The following TRIM66 variants were observed in gnomAD, a reference collection of about 807,000 sequenced individuals.
TRIM66 encodes the protein tripartite motif containing 66.
TRIM66 carries 99 observed loss-of-function variants against 148.2 expected under a neutral mutation model. That is an observed-to-expected ratio of 0.67 (90% confidence interval 0.57 to 0.79). The LOEUF is 0.79. Ranked by LOEUF, TRIM66 falls within the 30% of genes least tolerant of loss-of-function variation. The pLI is 0.00. For synonymous variants in TRIM66, 616 were observed against 635.9 expected (o/e 0.97, Z 0.47); for missense variants, 1,666 against 1,697.9 (o/e 0.98, Z 0.33).
rs1255930246 is a variant in TRIM66, at chr11:8,640,770, C to T, written c.1605G>A (p.Gln535=). 4.8e-5 allele frequency: 75 copies of T among 1,551,102 alleles called. No individual in the cohort carries two copies. Among genetic ancestry groups the T allele is most frequent in the Non-Finnish European group, 6.5e-5 (74 of 1,146,996 alleles). Residue 535 remains glutamine (Q), a synonymous_variant, in exon 14 of 25, where the codon CAG becomes CAA. Coordinates refer to ENST00000646038, the MANE Select transcript of TRIM66 (RefSeq NM_001388022.1). Reference sequence around the variant, plus strand: ...ATGTGCTCTCCTGCTCCACGGGGGGCTGGGTTTCCAGCCAGGGCTGCAGCA... The same window carrying T: ...ATGTGCTCTCCTGCTCCACGGGGGGTTGGGTTTCCAGCCAGGGCTGCAGCA... The part of the protein sequence containing the change: ...PKLLQPWLET[Q]PPVEQESTSQ...
intron 24 of TRIM66, 29 bp downstream of exon 24, chr11:8,618,721 C>A: frequency 6.5e-7 from 1 of 1,543,954 alleles, no homozygotes; most frequent in Non-Finnish European, 8.7e-7. Flanking sequence ...TCACCGCCCA[C>A]CTGCTGCTGG....
At chr11:8,626,924 A>C (rs1565487829) in intron 15 of TRIM66, among the ~76,000 whole-genome samples, 1 of 152,162 alleles carries the variant, frequency 6.6e-6, no homozygotes, top group African/African-American at 2.4e-5. Context: ...CACCCCCTTC[A>C]GATGGACTGC....
chr11:8,675,416 C>T (rs1244175864), intron 3 of TRIM66, among the ~76,000 whole-genome samples: 1 of 152,178 alleles, frequency 6.6e-6, no homozygotes, highest in Non-Finnish European at 1.5e-5. Flanking sequence ...CAGTTTTGCC[C>T]TTGTTAACCA....
intron 7 of TRIM66, among the ~76,000 whole-genome samples, chr11:8,651,208 G>T (rs918443016): frequency 6.6e-6 from 1 of 152,048 alleles, no homozygotes; most frequent in Non-Finnish European, 1.5e-5. Flanking sequence ...CCAGCACAGG[G>T]TCTGGCACAT....
At chr11:8,680,891 T>C (rs1311877412) in intron 1 of TRIM66, 2 of 152,190 alleles carry the variant, frequency 1.3e-5, no homozygotes, top group Admixed American at 6.5e-5. Flanking sequence ...GGCAAGACTT[T>C]TTCTAGAAAA....
At position 8,649,807 on chromosome 11, in the gene TRIM66, T is replaced by C; in HGVS notation, c.525A>G (p.Thr175=). ...GGACAGGGCTGTGTCGGTGTTCCTC[T>C]GTGCAAGAGCTGCACAGCCAGCGAT... ...YCNRWLCSSC[T]EEHRHSPVPG... Residue 175 remains threonine, a synonymous_variant, in exon 8 of 25, where the codon ACA becomes ACG. Transcript: ENST00000646038. 4 of 1,551,714 alleles carry C rather than the reference T, an allele frequency of 2.6e-6. No individual in the cohort carries two copies. The highest frequency in any genetic ancestry group is 3.9e-5 in the Admixed American group (2 of 51,004).
chr11:8,680,529 T>G (rs1050168468), intron 1 of TRIM66: 3 of 152,054 alleles, frequency 2.0e-5, no homozygotes, highest in African/African-American at 7.3e-5. Context: ...GACAGTGTAG[T>G]AGAAGAAGAG....
chr11:8,618,393 C>T (rs2033876013), intron 24 of TRIM66, among the ~76,000 whole-genome samples: 1 of 152,212 alleles, frequency 6.6e-6, no homozygotes, highest in South Asian at 2.1e-4. Flanking sequence ...CAAATAGAAA[C>T]CAGGCACTAA....
At chr11:8,647,790 T>A (rs539556272) in intron 10 of TRIM66, among the ~76,000 whole-genome samples, 180 bp downstream of exon 10, 1 of 152,334 alleles carries the variant, frequency 6.6e-6, no homozygotes, top group South Asian at 2.1e-4. Context: ...GATGACTTAA[T>A]GACCCCTCCC....
Position 8,622,365 on chromosome 11 carries a change from C to CACACACACACATATAT in TRIM66, c.3080+450_3080+451insATATATGTGTGTGTGT. 1.5e-4 allele frequency among the ~76,000 whole-genome samples: 9 copies of CACACACACACATATAT among 59,612 alleles called. 1 individual carries two copies. Among genetic ancestry groups the CACACACACACATATAT allele is most frequent in the Non-Finnish European group, 3.1e-4 (8 of 25,598 alleles). 39.1% of individuals were successfully genotyped at this position (59,612 alleles called of 152,430 possible). A position where few individuals can be genotyped will look rare whatever the true frequency, so the allele number is the denominator to read the frequency against. On this transcript the variant is annotated intron_variant, in intron 18 of 24. Coordinates refer to ENST00000646038, the MANE Select transcript of TRIM66 (RefSeq NM_001388022.1). ...ACACACACACACACACACACACACACATATATATATATATATATCTCCTAC... is the reference window on the plus strand; with the variant it reads ...ACACACACACACACACACACACACACACACACACACATATATATATATATATATATATATCTCCTAC...
intron 6 of TRIM66, among the ~76,000 whole-genome samples, chr11:8,660,872 T>A (rs373395503): frequency 1.3e-5 from 2 of 152,198 alleles, no homozygotes; most frequent in Non-Finnish European, 1.5e-5. Flanking sequence ...ATTATAGATA[T>A]GAAAGTGTGA....
intron 6 of TRIM66, among the ~76,000 whole-genome samples, chr11:8,665,310 C>G (rs1184861022): frequency 6.6e-6 from 1 of 152,208 alleles, no homozygotes; most frequent in Non-Finnish European, 1.5e-5. Context: ...CAGGTGACAG[C>G]TCTGCCTTTC....
chr11:8,616,572 C>T lies in TRIM66; in HGVS notation c.*1372G>A, dbSNP rs1268360855. ...CTGACCTCCAGTATCCTCACAAACACCCTGCGAGGGCCATGCAGATGCATT... is the reference window on the plus strand; with the variant it reads ...CTGACCTCCAGTATCCTCACAAACATCCTGCGAGGGCCATGCAGATGCATT... On this transcript the variant is annotated 3_prime_UTR_variant, in exon 25 of 25. Coordinates refer to ENST00000646038, the MANE Select transcript of TRIM66 (RefSeq NM_001388022.1). 1 of 152,192 alleles carries T rather than the reference C, an allele frequency of 6.6e-6. No homozygotes were observed. The highest frequency in any genetic ancestry group is 1.5e-5 in the Non-Finnish European group (1 of 68,050). The allele number at this position is 152,192 out of a possible 1,614,324, so 9.4% of individuals were successfully genotyped here. A position where few individuals can be genotyped will look rare whatever the true frequency, so the allele number is the denominator to read the frequency against.
In TRIM66 at chr11:8,617,758, C is replaced by T; in HGVS notation, c.*186G>A. On this transcript the variant is annotated 3_prime_UTR_variant, in exon 25 of 25. Transcript: ENST00000646038. ...CTTTCCTGTTTATTACTGAAATCTT[C>T]TCTGTAGTGGATGTACTACGGCTCC... The T allele has an allele frequency of 1.7e-6, 1 of 585,482 alleles. No homozygotes were observed. 36.3% of individuals were successfully genotyped at this position (585,482 alleles called of 1,614,324 possible).
intron 14 of TRIM66, 72 bp downstream of exon 14, chr11:8,640,155 T>C (rs902783118): frequency 2.1e-6 from 3 of 1,424,376 alleles, no homozygotes; most frequent in Non-Finnish European, 9.5e-7. Context: ...TGCCTTGTTT[T>C]TGGGGAGGCT....
intron 3 of TRIM66, among the ~76,000 whole-genome samples, chr11:8,676,186 A>G (rs1374979955): frequency 1.3e-5 from 2 of 152,226 alleles, no homozygotes; most frequent in African/African-American, 2.4e-5. Context: ...GAGATTTAAT[A>G]AAAATTGTTA....
chr11:8,646,301 G>T, intron 11 of TRIM66, 146 bp downstream of exon 11: 1 of 689,236 alleles, frequency 1.5e-6, no homozygotes, highest in Non-Finnish European at 2.4e-6. Flanking sequence ...CCAAAATTAG[G>T]CTGACATTTT....
Position 8,621,646 on chromosome 11 carries a change from T to C in TRIM66, c.3254A>G (p.Lys1085Arg). Reference protein sequence around the residue: ...CGTESSSMSIKVSQDRLSEAT... With the variant: ...CGTESSSMSIRVSQDRLSEAT... ...GGCCAAGGCAAAGCAAAGTGGTACC[T>C]TAATGGACATGCTGGAGGACTCAGT... The change falls in exon 19 of 25, where the codon AAG (lysine) becomes AGG (arginine). Residue 1085 changes from lysine to arginine, a missense_variant and splice_region_variant. By Grantham distance (26) the Lys-to-Arg change is conservative. Coordinates refer to ENST00000646038, the MANE Select transcript of TRIM66 (RefSeq NM_001388022.1). The C allele has an allele frequency of 6.5e-7, 1 of 1,528,342 alleles. No individual in the cohort carries two copies. Among genetic ancestry groups the C allele is most frequent in the South Asian group, 1.3e-5 (1 of 78,924 alleles). 94.7% of individuals were successfully genotyped at this position (1,528,342 alleles called of 1,614,324 possible).
chr11:8,630,198 A>T (rs1335940735), intron 15 of TRIM66, among the ~76,000 whole-genome samples: 1 of 152,182 alleles, frequency 6.6e-6, no homozygotes, highest in Non-Finnish European at 1.5e-5. Context: ...GAGAGGAAGC[A>T]CTTCTCAAGA....
Sources: allele counts gnomAD v4.1 joint callset (sites outside exome capture counted in the v4.1 genomes callset), GRCh38; gene constraint gnomAD v4.1.1; transcripts MANE v1.5; gene names NCBI Gene and HGNC (gene_info 2026-07-23, HGNC 2026-07-21).